The following CNTNAP2 variants were observed in gnomAD, a reference collection of about 807,000 sequenced individuals.
CNTNAP2 encodes contactin-associated protein-like 2.
A neutral mutation model predicts 155.2 loss-of-function variants in CNTNAP2; 98 were observed. That is an observed-to-expected ratio of 0.63 (90% CI 0.54 to 0.75). The LOEUF (loss-of-function observed/expected upper bound fraction) is 0.75. Among genes scored for constraint, CNTNAP2 ranks in the 30% least tolerant of loss-of-function variants. CNTNAP2 has a pLI of 0.00. For missense variants in CNTNAP2, 1,727 were observed against 1,688.1 expected (o/e 1.02, Z -0.40); for synonymous variants, 651 against 631.2 (o/e 1.03, Z -0.47).
chr7:147,650,928 A>C (rs1795441006), intron 13 of CNTNAP2, among the ~76,000 whole-genome samples: 1 of 152,170 alleles, frequency 6.6e-6, no homozygotes, highest in African/African-American at 2.4e-5. Flanking sequence ...AGACTGAATA[A>C]ATTTAGAATT....
chr7:147,552,051 G>A (rs6962409), intron 11 of CNTNAP2, among the ~76,000 whole-genome samples: 27,932 of 151,984 alleles, frequency 0.18, 2,877 homozygotes, highest in East Asian at 0.36. Flanking sequence ...AATTTAAGTG[G>A]CAAATAATCC....
chr7:147,613,710 G>A (rs999843411), intron 12 of CNTNAP2, among the ~76,000 whole-genome samples: 1 of 152,074 alleles, frequency 6.6e-6, no homozygotes, highest in African/African-American at 2.4e-5. Context: ...AGGCATGGTG[G>A]TGGGCACCCA....
chr7:147,692,638 G>A (rs1281401412), intron 13 of CNTNAP2, among the ~76,000 whole-genome samples: 4 of 152,002 alleles, frequency 2.6e-5, no homozygotes, highest in Non-Finnish European at 4.4e-5. Context: ...TCTGCCATCT[G>A]TATATCTTCT....
At chr7:146,989,925 T>C (rs1431401950) in intron 3 of CNTNAP2, among the ~76,000 whole-genome samples, 1 of 152,134 alleles carries the variant, frequency 6.6e-6, no homozygotes, top group Non-Finnish European at 1.5e-5. Context: ...ATTGATTTTT[T>C]TTTTTTACAT....
chr7:147,996,812 CA>C (rs1400369590), intron 15 of CNTNAP2, among the ~76,000 whole-genome samples: 1 of 152,104 alleles, frequency 6.6e-6, no homozygotes, highest in East Asian at 1.9e-4. Flanking sequence ...CTGAAGTGAA[CA>C]AAAGGCTCAA....
intron 4 of CNTNAP2, among the ~76,000 whole-genome samples, chr7:147,052,594 G>GT (rs916537088): frequency 3.4e-4 from 52 of 151,626 alleles, no homozygotes; most frequent in Admixed American, 2.6e-3. Context: ...ATAACTCAGT[G>GT]TTTTTTTCTA....
At chr7:147,211,037 A>C (rs1803134857) in intron 8 of CNTNAP2, among the ~76,000 whole-genome samples, 1 of 148,460 alleles carries the variant, frequency 6.7e-6, no homozygotes, top group African/African-American at 2.5e-5. Context: ...TTATTTATTG[A>C]GACTTGCTTT....
intron 13 of CNTNAP2, among the ~76,000 whole-genome samples, chr7:147,717,373 A>G (rs1199001540): frequency 6.6e-6 from 1 of 152,062 alleles, no homozygotes; most frequent in African/African-American, 2.4e-5. Flanking sequence ...TGGCAGAGAA[A>G]TGCTCAATTT....
At chr7:147,363,423 G>T (rs1385314225) in intron 9 of CNTNAP2, among the ~76,000 whole-genome samples, 2 of 152,176 alleles carry the variant, frequency 1.3e-5, no homozygotes, top group Non-Finnish European at 2.9e-5. Context: ...TAAAGAGAAT[G>T]TGACTGTTAT....
intron 13 of CNTNAP2, among the ~76,000 whole-genome samples, chr7:147,761,917 G>A (rs1207675598): frequency 6.6e-6 from 1 of 151,798 alleles, no homozygotes; most frequent in African/African-American, 2.4e-5. Flanking sequence ...TATGGGCTAT[G>A]GCATATGAAA....
At chr7:146,540,944 A>C (rs1797943779) in intron 1 of CNTNAP2, among the ~76,000 whole-genome samples, 1 of 152,016 alleles carries the variant, frequency 6.6e-6, no homozygotes, top group Non-Finnish European at 1.5e-5. Flanking sequence ...ATATCCCCAA[A>C]TTGCCATCAA....
At chr7:148,181,501 A>T (rs1795037338) in intron 18 of CNTNAP2, among the ~76,000 whole-genome samples, 1 of 152,198 alleles carries the variant, frequency 6.6e-6, no homozygotes, top group Non-Finnish European at 1.5e-5. Context: ...TGCCAAGTTT[A>T]AGTGGCTTTG....
chr7:146,883,571 C>G (rs957962245), intron 3 of CNTNAP2, among the ~76,000 whole-genome samples: 2 of 152,074 alleles, frequency 1.3e-5, no homozygotes, highest in Non-Finnish European at 2.9e-5. Context: ...GAAGATTTTG[C>G]GAGAACTCAG....
At chr7:147,016,946 T>C (rs1218980665) in intron 3 of CNTNAP2, among the ~76,000 whole-genome samples, 1 of 151,748 alleles carries the variant, frequency 6.6e-6, no homozygotes, top group Non-Finnish European at 1.5e-5. Context: ...CATAAACTAC[T>C]GAAGGAAGAG....
chr7:147,184,082 C>T (rs1033727071), intron 8 of CNTNAP2, among the ~76,000 whole-genome samples: 34 of 152,242 alleles, frequency 2.2e-4, no homozygotes, highest in African/African-American at 7.7e-4. Flanking sequence ...GAAAGAGTGA[C>T]TATACTTCCC....
intron 1 of CNTNAP2, among the ~76,000 whole-genome samples, chr7:146,745,919 C>T (rs1034630009): frequency 2.6e-5 from 4 of 152,146 alleles, no homozygotes; most frequent in Admixed American, 6.6e-5. Context: ...GGAAGAGACT[C>T]GTTAATCAAA....
At chr7:147,588,675 T>C (rs1306078922) in intron 12 of CNTNAP2, among the ~76,000 whole-genome samples, 1 of 152,142 alleles carries the variant, frequency 6.6e-6, no homozygotes, top group Non-Finnish European at 1.5e-5. Flanking sequence ...CCAGGCAACA[T>C]TGAGGGGACA....
At chr7:147,142,815 G>T (rs1801626918) in intron 8 of CNTNAP2, among the ~76,000 whole-genome samples, 1 of 152,072 alleles carries the variant, frequency 6.6e-6, no homozygotes, top group South Asian at 2.1e-4. Flanking sequence ...CACAAACTAT[G>T]CTCCACTGGA....
intron 8 of CNTNAP2, among the ~76,000 whole-genome samples, chr7:147,252,607 GT>G (rs1436398185): frequency 6.6e-6 from 1 of 152,054 alleles, no homozygotes; most frequent in East Asian, 1.9e-4. Flanking sequence ...ACTGTTCCAA[GT>G]TTTGTAACTG....
Sources: gnomAD v4.1 joint callset for allele counts (sites outside exome capture counted in the v4.1 genomes callset) on GRCh38, gnomAD v4.1.1 for gene constraint, MANE v1.5 for transcripts, NCBI Gene and HGNC (gene_info 2026-07-23, HGNC 2026-07-21) for gene names.